The following POFUT1 variants were observed in gnomAD, a reference collection of about 807,000 sequenced individuals.
POFUT1 encodes the protein GDP-fucose protein O-fucosyltransferase 1.
POFUT1 carries 16 observed loss-of-function variants against 42.4 expected under a neutral mutation model. The ratio of observed to expected loss-of-function variants is 0.38; its 90% CI spans 0.26 to 0.57. POFUT1 has a LOEUF of 0.57. Among genes scored for constraint, POFUT1 ranks in the 20% least tolerant of loss-of-function variants. The pLI is 0.71. For missense variants in POFUT1, 470 were observed against 504.6 expected, an observed-to-expected ratio of 0.93 and a Z score of 0.66; for synonymous variants, 206 against 205.4, an observed-to-expected ratio of 1.00 and a Z score of -0.03.
rs2047302816 is a variant in POFUT1, at chr20:32,208,037, C to T, written c.96C>T (p.Ala32=). 6.4e-7 allele frequency: 1 copy of T among 1,569,520 alleles called. No individual in the cohort carries two copies. The highest frequency in any genetic ancestry group is 8.6e-7 in the Non-Finnish European group (1 of 1,161,616). The change falls in exon 1 of 7, where the codon GCC becomes GCT. Residue 32 remains alanine (A), a synonymous_variant. Transcript: ENST00000375749. ...TGCCTGCGGGCTCCTGGGACCCGGC[C>T]GGTTACCTGCTCTACTGCCCCTGCA... ...PGMPAGSWDP[A]GYLLYCPCMG... is the part of the protein sequence containing the mutation.
chr20:32,224,605 T>C (rs1380458191), intron 4 of POFUT1, among the ~76,000 whole-genome samples: 1 of 152,096 alleles, frequency 6.6e-6, no homozygotes. Context: ...GGGCATATCA[T>C]TGTGCAGAAG....
chr20:32,218,145 A>G (rs1341646058), intron 4 of POFUT1, among the ~76,000 whole-genome samples: 17 of 152,138 alleles, frequency 1.1e-4, no homozygotes, highest in Non-Finnish European at 2.5e-4. Context: ...GTTACTTTAT[A>G]TATTTATATT....
chr20:32,237,237 A>G lies in POFUT1; in HGVS notation c.*2576A>G, dbSNP rs947124900. 3.2e-5 allele frequency: 5 copies of G among 154,216 alleles called. No individual in the cohort carries two copies. The highest frequency in any genetic ancestry group is 5.8e-5 in the Non-Finnish European group (4 of 69,254). The allele number at this position is 154,216 out of a possible 1,614,324, so 9.6% of individuals were successfully genotyped here. On this transcript the variant is annotated 3_prime_UTR_variant, in exon 7 of 7. Coordinates refer to ENST00000375749, the MANE Select transcript of POFUT1 (RefSeq NM_015352.2). ...CCTACTATGTGTCAGGCTCTATGCTAGGTACTGGGGATACAGGAGAGAATC... is the reference window on the plus strand; with the variant it reads ...CCTACTATGTGTCAGGCTCTATGCTGGGTACTGGGGATACAGGAGAGAATC...
chr20:32,223,006 A>C, intron 4 of POFUT1: 2 of 985,416 alleles, frequency 2.0e-6, no homozygotes, highest in South Asian at 9.4e-5. Context: ...TGCCTTGTTC[A>C]TGTCCCTGGG....
intron 2 of POFUT1, among the ~76,000 whole-genome samples, chr20:32,211,248 C>T (rs2047326401): frequency 6.6e-6 from 1 of 151,652 alleles, no homozygotes; most frequent in African/African-American, 2.4e-5. Context: ...TTAATGGAAA[C>T]CATTGATGTT....
chr20:32,209,070 C>T (rs1176847487), intron 1 of POFUT1, among the ~76,000 whole-genome samples: 2 of 152,266 alleles, frequency 1.3e-5, no homozygotes, highest in African/African-American at 2.4e-5. Flanking sequence ...AATGATGTGG[C>T]CTCCACTGGC....
intron 4 of POFUT1, 41 bp from the exon 5 acceptor site, chr20:32,228,222 C>G (rs1269963753): frequency 6.4e-7 from 1 of 1,559,382 alleles, no homozygotes; most frequent in South Asian, 1.2e-5. Context: ...GCCAGGCTCT[C>G]TGTGCGTCCT....
chr20:32,234,395 G>C (rs1342290097), intron 6 of POFUT1, 78 bp from the exon 7 acceptor site: 1 of 1,296,304 alleles, frequency 7.7e-7, no homozygotes. Context: ...GCAGCTCAGG[G>C]AATAAGGTTG....
chr20:32,218,544 T>G (rs1428681495), intron 4 of POFUT1, among the ~76,000 whole-genome samples: 1 of 152,252 alleles, frequency 6.6e-6, no homozygotes, highest in Non-Finnish European at 1.5e-5. Flanking sequence ...ACCTAGTTCA[T>G]GTGCCACTGA....
intron 1 of POFUT1, 109 bp downstream of exon 1, chr20:32,208,174 CAG>C (rs2047304040): frequency 8.9e-7 from 1 of 1,129,028 alleles, no homozygotes. Context: ...GAGAGAACCT[CAG>C]AGCGGGACGG....
chr20:32,225,361 G>A (rs13040909), intron 4 of POFUT1, among the ~76,000 whole-genome samples: 1,529 of 151,944 alleles, frequency 0.01, 14 homozygotes, highest in Non-Finnish European at 0.012. Context: ...CTAATTTTTT[G>A]TATTTTTAGT....
At chr20:32,224,229 TA>T (rs1219772089) in intron 4 of POFUT1, among the ~76,000 whole-genome samples, 1 of 152,002 alleles carries the variant, frequency 6.6e-6, no homozygotes, top group Non-Finnish European at 1.5e-5. Flanking sequence ...CCGTCTCTAC[TA>T]AAAATACAAA....
At chr20:32,234,039 C>A (rs2047456493) in intron 6 of POFUT1, among the ~76,000 whole-genome samples, 1 of 152,150 alleles carries the variant, frequency 6.6e-6, no homozygotes, top group Non-Finnish European at 1.5e-5. Flanking sequence ...TTTAAATTAA[C>A]CACGTGTGGT....
rs1014000836 is a variant in POFUT1, at chr20:32,216,864, A to G, written c.542+143A>G. On this transcript the variant is annotated intron_variant, in intron 4 of 6. Coordinates refer to ENST00000375749, the MANE Select transcript of POFUT1 (RefSeq NM_015352.2). Reference sequence around the variant, plus strand: ...AGGTGCTCTGTCTGTTGAACTTGGAATCCTGTGTGATCTGTTCCCATGTCC... The same window carrying G: ...AGGTGCTCTGTCTGTTGAACTTGGAGTCCTGTGTGATCTGTTCCCATGTCC... 2.0e-6 allele frequency: 3 copies of G among 1,475,976 alleles called. No individual in the cohort carries two copies. In the African/African-American group the frequency reaches 4.2e-5, roughly 21 times the overall value. The allele number at this position is 1,475,976 out of a possible 1,614,324, so 91.4% of individuals were successfully genotyped here.
chr20:32,224,324 G>A (rs535514160), intron 4 of POFUT1, among the ~76,000 whole-genome samples: 18 of 150,636 alleles, frequency 1.2e-4, no homozygotes, highest in African/African-American at 4.5e-4. Context: ...CCTGGGAGGC[G>A]GAGGTTGCAG....
chr20:32,219,638 A>G (rs1362322151), intron 4 of POFUT1, among the ~76,000 whole-genome samples: 1 of 151,446 alleles, frequency 6.6e-6, no homozygotes, highest in Non-Finnish European at 1.5e-5. Context: ...CTGGGACTAC[A>G]GGCGCCCGCC....
In POFUT1 at chr20:32,234,809, C is replaced by T; in HGVS notation, c.*148C>T. 1 of 671,094 alleles carries T rather than the reference C, an allele frequency of 1.5e-6. No individual in the cohort carries two copies. 41.6% of individuals were successfully genotyped at this position (671,094 alleles called of 1,614,324 possible). On this transcript the variant is annotated 3_prime_UTR_variant, in exon 7 of 7. Coordinates refer to ENST00000375749, the MANE Select transcript of POFUT1 (RefSeq NM_015352.2). ...ATGGAGAAGAGTGCCAGGGACCCCT[C>T]AAGGAGGGAGACGCTCCATATCCCA...
chr20:32,225,459 T>A (rs1457740096), intron 4 of POFUT1, among the ~76,000 whole-genome samples: 2 of 152,048 alleles, frequency 1.3e-5, no homozygotes, highest in African/African-American at 4.8e-5. Context: ...AGTTCTAGGA[T>A]TACAGGCGTG....
chr20:32,216,626 C>G lies in POFUT1; in HGVS notation c.447C>G (p.Gly149=), dbSNP rs142056713. 9.3e-6 allele frequency: 15 copies of G among 1,612,402 alleles called. No individual in the cohort carries two copies. Among genetic ancestry groups the G allele is most frequent in the African/African-American group, 1.3e-5 (1 of 74,882 alleles). Residue 149 remains glycine (G), a synonymous_variant, in exon 4 of 7, where the codon GGC becomes GGG. Transcript: ENST00000375749. ...TTCTGCAGGAAGGAAACCCCTTTGG[C>G]CCATTCTGGGATCAGTTTCATGTGA... The part of the protein sequence containing the change: ...TCPMKEGNPF[G]PFWDQFHVSF...
Sources: gnomAD v4.1 joint callset for allele counts (sites outside exome capture counted in the v4.1 genomes callset) on GRCh38, gnomAD v4.1.1 for gene constraint, MANE v1.5 for transcripts, NCBI Gene and HGNC (gene_info 2026-07-23, HGNC 2026-07-21) for gene names.